KLHDC10: variants seen among roughly 807,000 people sequenced by gnomAD.
KLHDC10 encodes the protein kelch domain-containing protein 10.
KLHDC10 carries 24 observed loss-of-function variants against 56.1 expected under a neutral mutation model. The ratio of observed to expected loss-of-function variants is 0.43; its 90% CI spans 0.31 to 0.60. The LOEUF is 0.60. Ranked by LOEUF, KLHDC10 falls within the 20% of genes least tolerant of loss-of-function variation. The pLI is 0.11. For missense variants in KLHDC10, 349 were observed against 567.0 expected (o/e 0.62, Z 3.91); for synonymous variants, 188 against 207.1 (o/e 0.91, Z 0.79).
At position 130,070,712 on chromosome 7, in the gene KLHDC10, A is replaced by G; in HGVS notation, c.69A>G (p.Gly23=). The G allele has an allele frequency of 8.2e-7, 1 of 1,220,758 alleles. No homozygotes were observed. The allele number at this position is 1,220,758 out of a possible 1,614,324, so 75.6% of individuals were successfully genotyped here. The change falls in exon 1 of 10, where the codon GGA becomes GGG. Residue 23 remains glycine, a synonymous_variant. Transcript: ENST00000335420. ...RGGGAAGAGG[G]GSGAGGGSGG... ...GAGGCGCCGCCGGCGCTGGTGGCGG[A>G]GGTAGCGGGGCCGGCGGGGGCAGTG...
chr7:130,121,150 G>A (rs1796243041), intron 4 of KLHDC10, among the ~76,000 whole-genome samples: 1 of 151,340 alleles, frequency 6.6e-6, no homozygotes, highest in East Asian at 1.9e-4. Context: ...TTTAGGTCAG[G>A]ATGTAGACCT....
intron 1 of KLHDC10, among the ~76,000 whole-genome samples, chr7:130,086,142 T>C (rs1795687151): frequency 6.6e-6 from 1 of 152,210 alleles, no homozygotes; most frequent in South Asian, 2.1e-4. Flanking sequence ...TAAGCAGTCC[T>C]TGTCTTCCTC....
rs991585920 is a variant in KLHDC10, at chr7:130,130,719, A to T, written c.1302A>T (p.Thr434=). The T allele has an allele frequency of 3.1e-6, 5 of 1,614,128 alleles. No homozygotes were observed. In the East Asian group the frequency reaches 1.1e-4, roughly 36 times the overall value. The part of the protein sequence containing the change: ...SRTQLLHLGL[T]QGLIERLK ...CACAACTTCTGCACCTTGGACTCAC[A>T]CAGGGACTCATCGAACGCTTGAAAT... is the stretch of plus-strand genomic sequence containing the variant. Residue 434 remains threonine, a synonymous_variant, in exon 10 of 10, where the codon ACA becomes ACT. Transcript: ENST00000335420. The surrounding 1 kb of genome is among the most constrained non-coding windows in gnomAD (Gnocchi z 4.2).
At chr7:130,076,258 G>A (rs977577845) in intron 1 of KLHDC10, among the ~76,000 whole-genome samples, 3 of 152,072 alleles carry the variant, frequency 2.0e-5, no homozygotes, top group African/African-American at 7.2e-5. Context: ...CTCCTGCTAT[G>A]TGGCCAGGTT....
chr7:130,104,692 C>T (rs1795984790), intron 2 of KLHDC10, among the ~76,000 whole-genome samples: 1 of 152,154 alleles, frequency 6.6e-6, no homozygotes. Context: ...AGCTTTTACT[C>T]ATGGCAAGAG....
intron 1 of KLHDC10, among the ~76,000 whole-genome samples, chr7:130,084,423 G>C (rs1278266750): frequency 6.6e-6 from 1 of 152,136 alleles, no homozygotes; most frequent in African/African-American, 2.4e-5. Context: ...GATGTATTTT[G>C]AAAGTAGCAT....
intron 1 of KLHDC10, among the ~76,000 whole-genome samples, chr7:130,071,326 C>T (rs1180164470): frequency 6.6e-6 from 1 of 151,806 alleles, no homozygotes; most frequent in African/African-American, 2.4e-5. Context: ...GGAAAGAGAA[C>T]CTAGAGGATT....
intron 2 of KLHDC10, among the ~76,000 whole-genome samples, chr7:130,104,751 G>A (rs1366655373): frequency 6.6e-6 from 1 of 152,166 alleles, no homozygotes; most frequent in African/African-American, 2.4e-5. Flanking sequence ...ACCAAGAGGA[G>A]TTGAGGGGAG....
At chr7:130,109,954 T>C in intron 2 of KLHDC10, among the ~76,000 whole-genome samples, 1 of 152,336 alleles carries the variant, frequency 6.6e-6, no homozygotes, top group South Asian at 2.1e-4. Flanking sequence ...TGTTCTTTAA[T>C]AGCAGTAGAA....
chr7:130,093,721 T>C (rs531862911), intron 1 of KLHDC10, among the ~76,000 whole-genome samples: 2 of 152,312 alleles, frequency 1.3e-5, no homozygotes, highest in Non-Finnish European at 1.5e-5. Flanking sequence ...GTTTCTCTTT[T>C]TTCTGCTCTT....
In KLHDC10 at chr7:130,133,160, A is replaced by C. The variant is rs1796423261; in HGVS notation, c.*2414A>C. The C allele has an allele frequency of 6.6e-6, 1 of 152,260 alleles. No homozygotes were observed. The highest frequency in any genetic ancestry group is 6.5e-5 in the Admixed American group (1 of 15,292). 9.4% of individuals were successfully genotyped at this position (152,260 alleles called of 1,614,324 possible). ...CCAGCACTGAGTGCTATAGAACCAC[A>C]CATGTGTACATGTTCTGGATGCCAA... On this transcript the variant is annotated 3_prime_UTR_variant, in exon 10 of 10. Coordinates refer to ENST00000335420, the MANE Select transcript of KLHDC10 (RefSeq NM_014997.4).
intron 1 of KLHDC10, among the ~76,000 whole-genome samples, chr7:130,093,890 GT>G (rs1037857208): frequency 3.9e-5 from 6 of 152,088 alleles, no homozygotes; most frequent in African/African-American, 1.4e-4. Flanking sequence ...CATAAAAAGG[GT>G]TTTTTATTAC....
At chr7:130,091,939 C>T (rs1795779112) in intron 1 of KLHDC10, among the ~76,000 whole-genome samples, 1 of 152,196 alleles carries the variant, frequency 6.6e-6, no homozygotes, top group African/African-American at 2.4e-5. Flanking sequence ...ATTTCACTCT[C>T]CTTCTTAAGC....
In KLHDC10 at chr7:130,118,314, T is replaced by C. The variant is rs559048155; in HGVS notation, c.475+1648T>C. 2.0e-5 allele frequency among the ~76,000 whole-genome samples: 3 copies of C among 152,390 alleles called. No homozygotes were observed. In the East Asian group the frequency reaches 5.8e-4, roughly 29 times the overall value. Reference sequence around the variant, plus strand: ...ACTTTTATGTTATGGAGATGGCTTCTTTCCTGAAACCTCTTGAACCAACCT... The same window carrying C: ...ACTTTTATGTTATGGAGATGGCTTCCTTCCTGAAACCTCTTGAACCAACCT... On this transcript the variant is annotated intron_variant, in intron 3 of 9. Coordinates refer to ENST00000335420, the MANE Select transcript of KLHDC10 (RefSeq NM_014997.4).
rs201766430 is a variant in KLHDC10 at position 130,129,423 on chromosome 7, T to C, written c.980-14T>C. 5.0e-6 allele frequency: 8 copies of C among 1,612,796 alleles called. No individual in the cohort carries two copies. The African/African-American group carries it at 6.7e-5, about 13-fold the overall frequency. The stretch of plus-strand genomic sequence containing the variant: ...TTTCCTTTGTGTGATCTTGGCTTTC[T>C]CTTTTCTTCATAGATGTATTTATTT... On this transcript the variant is annotated splice_polypyrimidine_tract_variant and intron_variant, in intron 8 of 9. Coordinates refer to ENST00000335420, the MANE Select transcript of KLHDC10 (RefSeq NM_014997.4).
In KLHDC10 at chr7:130,070,538, C is replaced by A. The variant is rs906628434; in HGVS notation, c.-106C>A. 2 of 1,115,874 alleles carry A rather than the reference C, an allele frequency of 1.8e-6. No individual in the cohort carries two copies. Among genetic ancestry groups the A allele is most frequent in the African/African-American group, 1.6e-5 (1 of 62,674 alleles). 69.1% of individuals were successfully genotyped at this position (1,115,874 alleles called of 1,614,324 possible). A position where few individuals can be genotyped will look rare whatever the true frequency, so the allele number is the denominator to read the frequency against. On this transcript the variant is annotated 5_prime_UTR_variant, in exon 1 of 10. Transcript: ENST00000335420. ...TCTCTGGTGGGACCGGGCGCTGCCC[C>A]CTTCCCCTGTCTCCTGGGTCTCTGG...
At chr7:130,110,814 A>G (rs1437500854) in intron 2 of KLHDC10, among the ~76,000 whole-genome samples, 1 of 152,182 alleles carries the variant, frequency 6.6e-6, no homozygotes, top group Non-Finnish European at 1.5e-5. Context: ...CCTCACCACA[A>G]ATGTTCATTA....
intron 4 of KLHDC10, among the ~76,000 whole-genome samples, chr7:130,121,806 A>T (rs1342100629): frequency 6.6e-6 from 1 of 152,224 alleles, no homozygotes; most frequent in African/African-American, 2.4e-5. Context: ...CAGGACCCTT[A>T]AGAATCATCT....
In KLHDC10 at chr7:130,092,853, G is replaced by A. The variant is rs527774839; in HGVS notation, c.167-4068G>A. ...TTTACCTTGGGGCTTAGTTGACCCC[G>A]AGAGTTGGTCCCTCCACTTGCCCTG... On this transcript the variant is annotated intron_variant, in intron 1 of 9. Transcript: ENST00000335420. Among the ~76,000 whole-genome samples the A allele has an allele frequency of 3.3e-5, 5 of 152,120 alleles. No individual in the cohort carries two copies. In the South Asian group the frequency reaches 6.2e-4, roughly 19 times the overall value.
Sources: gnomAD v4.1 joint callset for allele counts (sites outside exome capture counted in the v4.1 genomes callset) on GRCh38, gnomAD v4.1.1 for gene constraint, Gnocchi (gnomAD v3.1) non-coding constraint, MANE v1.5 for transcripts, NCBI Gene and HGNC (gene_info 2026-07-23, HGNC 2026-07-21) for gene names.